Variants in TAFA2 observed in about 807,000 individuals in gnomAD.
The protein encoded by TAFA2 is chemokine-like protein TAFA-2.
In TAFA2, 7 loss-of-function variants were observed where a neutral mutation model predicts 18.8. The observed-to-expected ratio is 0.37, with a 90% CI of 0.21 to 0.70. The LOEUF is 0.70. TAFA2 is among the 30% of genes least tolerant of loss of function. The probability of loss-of-function intolerance (pLI) is 0.53; values close to 1 mark genes in which losing one functional copy is unlikely to be tolerated. For missense variants in TAFA2, 122 were observed against 158.1 expected, an observed-to-expected ratio of 0.77 and a Z score of 1.23; for synonymous variants, 60 against 54.2, an observed-to-expected ratio of 1.11 and a Z score of -0.47.
At chr12:62,117,165 C>T (rs538516457) in intron 1 of TAFA2, among the ~76,000 whole-genome samples, 50 of 152,060 alleles carry the variant, frequency 3.3e-4, no homozygotes, top group African/African-American at 1.2e-3. Context: ...TTATGGCAAC[C>T]CTAACAAACA....
In TAFA2 at chr12:61,862,555, T is replaced by C. The variant is rs539515782; in HGVS notation, c.106+4765A>G. ...ATTGGTGGCTCTTAAGAGCAGGATA[T>C]TATTGTACTTGTATTTCGGTAGAGG... On this transcript the variant is annotated intron_variant, in intron 2 of 4. Transcript: ENST00000416284. Among the ~76,000 whole-genome samples the C allele has an allele frequency of 3.3e-5, 5 of 152,346 alleles. No homozygotes were observed. In the East Asian group the frequency reaches 9.6e-4, roughly 29 times the overall value.
At chr12:61,910,058 A>G (rs935356784) in intron 1 of TAFA2, among the ~76,000 whole-genome samples, 10 of 151,520 alleles carry the variant, frequency 6.6e-5, no homozygotes, top group Non-Finnish European at 1.5e-4. Flanking sequence ...GCCCCAAAAG[A>G]GAGTAGTAAG....
At chr12:62,143,663 C>G (rs367569109) in intron 1 of TAFA2, among the ~76,000 whole-genome samples, 2 of 152,258 alleles carry the variant, frequency 1.3e-5, no homozygotes, top group East Asian at 3.9e-4. Flanking sequence ...TAATGGCAGC[C>G]TCTGCCCACC....
intron 1 of TAFA2, among the ~76,000 whole-genome samples, chr12:61,920,854 GA>G (rs142889418): frequency 2.0e-4 from 29 of 146,392 alleles, no homozygotes; most frequent in South Asian, 8.6e-4. Context: ...GCTCTGGGGA[GA>G]AAAAAAAAAG....
intron 4 of TAFA2, among the ~76,000 whole-genome samples, chr12:61,710,806 T>C (rs977554521): frequency 6.6e-6 from 1 of 152,006 alleles, no homozygotes; most frequent in Non-Finnish European, 1.5e-5. Flanking sequence ...AAGAAAGACC[T>C]TTGTCCCCAG....
At chr12:62,115,022 T>A (rs1053527643) in intron 1 of TAFA2, among the ~76,000 whole-genome samples, 1 of 152,210 alleles carries the variant, frequency 6.6e-6, no homozygotes, top group East Asian at 1.9e-4. Flanking sequence ...TAGACCAACA[T>A]TAAATTCTAA....
intron 2 of TAFA2, among the ~76,000 whole-genome samples, chr12:61,818,629 G>A (rs149892785): frequency 1.6e-4 from 25 of 152,094 alleles, no homozygotes; most frequent in Non-Finnish European, 3.2e-4. Context: ...GCTCTCCCAC[G>A]TGATGCAGCA....
intron 1 of TAFA2, among the ~76,000 whole-genome samples, chr12:62,201,790 T>C (rs1256776825): frequency 6.6e-6 from 1 of 152,208 alleles, no homozygotes; most frequent in Non-Finnish European, 1.5e-5. Flanking sequence ...TTTTCAATTG[T>C]CTGGAATAGT....
At chr12:62,164,535 A>G (rs1479413958) in intron 1 of TAFA2, among the ~76,000 whole-genome samples, 1 of 152,152 alleles carries the variant, frequency 6.6e-6, no homozygotes, top group Non-Finnish European at 1.5e-5. Flanking sequence ...AACACACACG[A>G]TTCACTCATG....
At chr12:61,770,122 G>T (rs1009287765) in intron 2 of TAFA2, among the ~76,000 whole-genome samples, 1 of 151,958 alleles carries the variant, frequency 6.6e-6, no homozygotes, top group African/African-American at 2.4e-5. Context: ...CAATAGAATT[G>T]AAGAAGTAGA....
intron 1 of TAFA2, among the ~76,000 whole-genome samples, chr12:62,053,558 C>A (rs997744848): frequency 6.6e-6 from 1 of 152,106 alleles, no homozygotes; most frequent in African/African-American, 2.4e-5. Flanking sequence ...GTTTGAAATA[C>A]GTATTGTTTA....
At chr12:61,778,510 C>T (rs1290351374) in intron 2 of TAFA2, among the ~76,000 whole-genome samples, 1 of 151,742 alleles carries the variant, frequency 6.6e-6, no homozygotes, top group Non-Finnish European at 1.5e-5. Flanking sequence ...TTCTCATTCC[C>T]TCTCCCTCTC....
At position 61,753,666 on chromosome 12, in the gene TAFA2, T is replaced by C; in HGVS notation, c.340A>G (p.Lys114Glu). The part of the protein sequence containing the change: ...GEECKVLPDR[K>E]GWSCSSGNKV... ...TTCCCAGAGGAACAGCTCCATCCTT[T>C]CCGATCCGGAAGAACTTTACATTCT... Residue 114 changes from lysine to glutamate, a missense_variant, in exon 4 of 5, where the codon AAA (lysine) becomes GAA (glutamate). Transcript: ENST00000416284. The C allele has an allele frequency of 6.2e-7, 1 of 1,612,770 alleles. No individual in the cohort carries two copies. The highest frequency in any genetic ancestry group is 8.5e-7 in the Non-Finnish European group (1 of 1,179,192).
intron 2 of TAFA2, among the ~76,000 whole-genome samples, chr12:61,759,539 T>C (rs1343842720): frequency 6.6e-6 from 1 of 152,046 alleles, no homozygotes; most frequent in Non-Finnish European, 1.5e-5. Flanking sequence ...CCACCGATCA[T>C]GATGGGCATA....
chr12:61,721,673 TG>T (rs1869904434), intron 4 of TAFA2, among the ~76,000 whole-genome samples: 1 of 152,218 alleles, frequency 6.6e-6, no homozygotes, highest in Admixed American at 6.5e-5. Flanking sequence ...AAAGTTTTAT[TG>T]GCCAGGTGCA....
intron 1 of TAFA2, among the ~76,000 whole-genome samples, chr12:62,086,506 A>C (rs1868461769): frequency 6.6e-6 from 1 of 152,176 alleles, no homozygotes; most frequent in Admixed American, 6.6e-5. Flanking sequence ...AGATTTCTTC[A>C]AAGAATGTAT....
intron 1 of TAFA2, among the ~76,000 whole-genome samples, chr12:62,172,028 A>G (rs2062481260): frequency 6.6e-6 from 1 of 152,220 alleles, no homozygotes; most frequent in Non-Finnish European, 1.5e-5. Flanking sequence ...ATTGTCTCTT[A>G]TAAATGTATT....
chr12:61,786,852 C>T (rs1870758547), intron 2 of TAFA2, among the ~76,000 whole-genome samples: 2 of 151,134 alleles, frequency 1.3e-5, no homozygotes, highest in African/African-American at 4.9e-5. Flanking sequence ...CAATCATCCA[C>T]TATAATAATA....
intron 1 of TAFA2, among the ~76,000 whole-genome samples, chr12:62,068,070 A>C (rs1387344706): frequency 6.6e-6 from 1 of 151,798 alleles, no homozygotes; most frequent in Non-Finnish European, 1.5e-5. Flanking sequence ...GCAATTCTGT[A>C]GTCACTGGAC....
Sources: allele counts gnomAD v4.1 joint callset (sites outside exome capture counted in the v4.1 genomes callset), GRCh38; gene constraint gnomAD v4.1.1; transcripts MANE v1.5; gene names NCBI Gene and HGNC (gene_info 2026-07-23, HGNC 2026-07-21).